The following NPAS3 variants were observed in gnomAD, a reference collection of about 807,000 sequenced individuals.
NPAS3 encodes neuronal PAS domain protein 3.
Under a neutral mutation model 73.1 loss-of-function variants are expected in NPAS3, and 14 were observed. The observed-to-expected ratio is 0.19, with a 90% confidence interval of 0.13 to 0.30. The LOEUF (loss-of-function observed/expected upper bound fraction) is 0.30. NPAS3 is among the 10% of genes least tolerant of loss of function. NPAS3 has a pLI of 1.00. For missense variants in NPAS3, 1,096 were observed against 1,250.0 expected, an observed-to-expected ratio of 0.88 and a Z score of 1.86; for synonymous variants, 620 against 541.5, an observed-to-expected ratio of 1.14 and a Z score of -2.01.
chr14:33,758,593 G>T (rs1213361179), intron 7 of NPAS3, among the ~76,000 whole-genome samples: 4 of 152,330 alleles, frequency 2.6e-5, no homozygotes, highest in African/African-American at 9.6e-5. Context: ...GTCCTCTAAT[G>T]AAATTTACCT....
chr14:33,325,156 T>C (rs560497869), intron 3 of NPAS3, among the ~76,000 whole-genome samples: 2 of 151,348 alleles, frequency 1.3e-5, no homozygotes, highest in East Asian at 3.9e-4. Flanking sequence ...ATGAACCAAT[T>C]TTTTTTTTAA....
At chr14:33,504,008 T>C (rs1207324873) in intron 4 of NPAS3, among the ~76,000 whole-genome samples, 1 of 152,014 alleles carries the variant, frequency 6.6e-6, no homozygotes, top group African/African-American at 2.4e-5. Context: ...TTATTCCAAG[T>C]GTTGTAAAAA....
chr14:33,365,927 G>T (rs1269078296), intron 3 of NPAS3, among the ~76,000 whole-genome samples: 8 of 152,174 alleles, frequency 5.3e-5, no homozygotes, highest in African/African-American at 1.9e-4. Flanking sequence ...GTTTCTAGAA[G>T]TAAGAAAGTA....
At chr14:33,367,696 G>C (rs183576984) in intron 4 of NPAS3, among the ~76,000 whole-genome samples, 4 of 150,098 alleles carry the variant, frequency 2.7e-5, no homozygotes, top group Admixed American at 1.3e-4. Context: ...TTCTTTGCTT[G>C]AGTTCGTATT....
chr14:33,457,991 C>G (rs1035952677), intron 4 of NPAS3, among the ~76,000 whole-genome samples: 3 of 152,156 alleles, frequency 2.0e-5, no homozygotes, highest in Admixed American at 1.3e-4. Flanking sequence ...CAAAGGCTCA[C>G]TGGTTGATGT....
At chr14:33,369,889 G>A (rs1015690204) in intron 4 of NPAS3, among the ~76,000 whole-genome samples, 3 of 152,176 alleles carry the variant, frequency 2.0e-5, no homozygotes, top group African/African-American at 7.2e-5. Context: ...ATATCGCAAT[G>A]TTCAGTAAGG....
At chr14:33,118,195 T>C (rs930278948) in intron 2 of NPAS3, among the ~76,000 whole-genome samples, 1 of 152,050 alleles carries the variant, frequency 6.6e-6, no homozygotes, top group Non-Finnish European at 1.5e-5. Context: ...AAAAATACTT[T>C]AATATTATAT....
At chr14:33,572,839 A>G (rs2139828133) in intron 5 of NPAS3, among the ~76,000 whole-genome samples, 1 of 152,182 alleles carries the variant, frequency 6.6e-6, no homozygotes, top group Admixed American at 6.5e-5. Context: ...CCTGGCCAAC[A>G]TGGTGAAACC....
rs974339753 is a variant in NPAS3, at chr14:33,674,569, C to T, written c.559-1642C>T. Among the ~76,000 whole-genome samples, 41 of 152,200 alleles carry T rather than the reference C, an allele frequency of 2.7e-4. 1 individual carries two copies. The highest frequency in any genetic ancestry group is 1.2e-4 in the Non-Finnish European group (8 of 68,032). On this transcript the variant is annotated intron_variant, in intron 5 of 11. Coordinates refer to ENST00000356141, the Ensembl canonical transcript of NPAS3. ...GGGATTATTTCCATGTAATCCCCCCCTCCCAGAGGGTAAGAGCTGATCACT... is the reference window on the plus strand; with the variant it reads ...GGGATTATTTCCATGTAATCCCCCCTTCCCAGAGGGTAAGAGCTGATCACT...
chr14:33,478,095 G>A (rs1439465217), intron 4 of NPAS3, among the ~76,000 whole-genome samples: 1 of 152,060 alleles, frequency 6.6e-6, no homozygotes, highest in African/African-American at 2.4e-5. Flanking sequence ...CCTCCAGCAG[G>A]AAAAATTAGG....
intron 1 of NPAS3, among the ~76,000 whole-genome samples, chr14:32,957,372 A>ATTTTTT (rs199933003): frequency 2.3e-5 from 3 of 131,936 alleles, no homozygotes; most frequent in African/African-American, 2.8e-5. Flanking sequence ...ATTCATTTTC[A>ATTTTTT]TTTTTTTTTT....
chr14:33,165,065 G>A (rs2045073245), intron 2 of NPAS3, among the ~76,000 whole-genome samples: 1 of 152,102 alleles, frequency 6.6e-6, no homozygotes. Flanking sequence ...GTGTAAGTCA[G>A]GTTTGGGGCA....
chr14:33,013,429 C>T (rs2039283290), intron 1 of NPAS3, among the ~76,000 whole-genome samples: 1 of 152,112 alleles, frequency 6.6e-6, no homozygotes, highest in African/African-American at 2.4e-5. Context: ...GGAAAATTTA[C>T]ATTTTGGATA....
intron 4 of NPAS3, among the ~76,000 whole-genome samples, chr14:33,461,848 T>C (rs1240551251): frequency 6.6e-6 from 1 of 152,178 alleles, no homozygotes; most frequent in African/African-American, 2.4e-5. Context: ...GGCAGATGAA[T>C]TGGCCTGCCT....
intron 5 of NPAS3, among the ~76,000 whole-genome samples, chr14:33,648,973 T>C (rs767124687): frequency 2.0e-5 from 3 of 152,200 alleles, no homozygotes; most frequent in Non-Finnish European, 4.4e-5. Context: ...TTTTCCTCTG[T>C]TGAGGAACTC....
intron 3 of NPAS3, among the ~76,000 whole-genome samples, chr14:33,246,837 T>TAAAAAAA (rs1566720123): frequency 1.3e-4 from 1 of 7,500 alleles, no homozygotes; most frequent in African/African-American, 8.9e-4. Flanking sequence ...CTATTAAAAA[T>TAAAAAAA]ACAAAAAAAA....
chr14:33,765,958 T>C (rs1394703335), intron 7 of NPAS3, among the ~76,000 whole-genome samples: 1 of 152,222 alleles, frequency 6.6e-6, no homozygotes, highest in African/African-American at 2.4e-5. Flanking sequence ...GTGATTCCTG[T>C]GCACATTCAA....
chr14:33,173,684 G>C (rs906564576), intron 2 of NPAS3, among the ~76,000 whole-genome samples: 5 of 152,132 alleles, frequency 3.3e-5, no homozygotes, highest in African/African-American at 7.2e-5. Flanking sequence ...GGAAAGCATT[G>C]ACTTTTTATA....
chr14:33,616,799 T>C (rs2057933522), intron 5 of NPAS3, among the ~76,000 whole-genome samples: 1 of 152,184 alleles, frequency 6.6e-6, no homozygotes, highest in Non-Finnish European at 1.5e-5. Context: ...AGCTAAAACA[T>C]AGTGATCTGT....
Sources: allele counts gnomAD v4.1 joint callset (sites outside exome capture counted in the v4.1 genomes callset), GRCh38; gene constraint gnomAD v4.1.1; transcripts MANE v1.5; gene names NCBI Gene and HGNC (gene_info 2026-07-23, HGNC 2026-07-21).